HNRNPC: variants seen among roughly 807,000 people sequenced by gnomAD.
The protein encoded by HNRNPC is heterogeneous nuclear ribonucleoproteins C1/C2.
A neutral mutation model predicts 33.2 loss-of-function variants in HNRNPC; 3 were observed. The ratio of observed to expected loss-of-function variants is 0.09; its 90% confidence interval spans 0.04 to 0.23. HNRNPC has a LOEUF of 0.23. Ranked by LOEUF, HNRNPC falls within the 10% of genes least tolerant of loss-of-function variation. The pLI is 1.00. For missense variants in HNRNPC, 143 were observed against 366.7 expected (o/e 0.39, Z 4.98); for synonymous variants, 121 against 126.7 (o/e 0.96, Z 0.30).
intron 8 of HNRNPC, 40 bp from the exon 9 acceptor site, chr14:21,211,346 C>T (rs756270993): frequency 1.2e-6 from 2 of 1,613,480 alleles, no homozygotes; most frequent in South Asian, 1.1e-5. Context: ...GTTAGAGGCA[C>T]TCCATGTGTC....
chr14:21,219,487 C>A (rs138690267), intron 5 of HNRNPC, among the ~76,000 whole-genome samples: 6 of 152,332 alleles, frequency 3.9e-5, no homozygotes, highest in African/African-American at 1.4e-4. Context: ...ACCAATGACA[C>A]CGCTAATTCA....
At chr14:21,234,339 G>A in intron 2 of HNRNPC, 110 bp from the exon 3 acceptor site, 1 of 908,054 alleles carries the variant, frequency 1.1e-6, no homozygotes. Context: ...AGAGTATTAG[G>A]CAACTTAAAG....
intron 5 of HNRNPC, among the ~76,000 whole-genome samples, chr14:21,223,822 T>A (rs887496601): frequency 1.1e-4 from 16 of 152,154 alleles, no homozygotes; most frequent in African/African-American, 3.9e-4. Context: ...TGTCACCATC[T>A]AAAATCCTTC....
At chr14:21,238,195 A>G (rs1037478988) in intron 2 of HNRNPC, among the ~76,000 whole-genome samples, 1 of 152,230 alleles carries the variant, frequency 6.6e-6, no homozygotes, top group African/African-American at 2.4e-5. Flanking sequence ...GTCATATTCT[A>G]TATGAATTTT....
chr14:21,236,684 A>G (rs1894727748), intron 2 of HNRNPC, among the ~76,000 whole-genome samples: 1 of 152,206 alleles, frequency 6.6e-6, no homozygotes, highest in Admixed American at 6.5e-5. Context: ...GTCACACTTC[A>G]TTCTACTTCA....
intron 6 of HNRNPC, 132 bp from the exon 7 acceptor site, chr14:21,212,055 T>G: frequency 1.4e-6 from 1 of 694,998 alleles, no homozygotes; most frequent in Admixed American, 2.6e-5. Context: ...TACAGATTTC[T>G]CGGTAATAAA....
At chr14:21,268,142 A>G (rs886957053) in intron 1 of HNRNPC, among the ~76,000 whole-genome samples, 22 of 152,240 alleles carry the variant, frequency 1.4e-4, no homozygotes, top group African/African-American at 4.8e-4. Flanking sequence ...GATGTCCCAG[A>G]TAAGTCAATG....
intron 6 of HNRNPC, 173 bp from the exon 7 acceptor site, chr14:21,212,096 G>A (rs1446621141): frequency 1.7e-6 from 1 of 584,926 alleles, no homozygotes; most frequent in Non-Finnish European, 3.0e-6. Flanking sequence ...AGCACGTTCT[G>A]TAATGGTTTT....
chr14:21,258,471 CA>C (rs1295141114), intron 2 of HNRNPC, among the ~76,000 whole-genome samples: 2 of 152,088 alleles, frequency 1.3e-5, no homozygotes, highest in African/African-American at 4.8e-5. Context: ...CCCTTAATCC[CA>C]GGGTTGAATC....
At chr14:21,224,437 A>T (rs542492103) in intron 5 of HNRNPC, among the ~76,000 whole-genome samples, 55 of 152,292 alleles carry the variant, frequency 3.6e-4, no homozygotes, top group African/African-American at 1.3e-3. Flanking sequence ...AACTCTGTGA[A>T]ACCCCCCTTC....
intron 2 of HNRNPC, among the ~76,000 whole-genome samples, chr14:21,241,700 TCTTC>T (rs1298341133): frequency 6.6e-6 from 1 of 152,214 alleles, no homozygotes. Flanking sequence ...CCCTCTGGCC[TCTTC>T]AGAGGCCAAC....
chr14:21,222,438 G>A (rs934606219), intron 5 of HNRNPC, among the ~76,000 whole-genome samples: 7 of 151,416 alleles, frequency 4.6e-5, no homozygotes, highest in South Asian at 2.1e-4. Context: ...AAATGGAATC[G>A]TACAATGTGT....
intron 5 of HNRNPC, among the ~76,000 whole-genome samples, chr14:21,213,609 G>A (rs1015816046): frequency 2.0e-5 from 3 of 152,078 alleles, no homozygotes; most frequent in Non-Finnish European, 2.9e-5. Flanking sequence ...AGAAGCACAC[G>A]AATTATTACA....
At chr14:21,223,635 G>A (rs898300956) in intron 5 of HNRNPC, among the ~76,000 whole-genome samples, 2 of 152,004 alleles carry the variant, frequency 1.3e-5, no homozygotes, top group East Asian at 1.9e-4. Flanking sequence ...TGTAGTCCCA[G>A]CTACTCAGGA....
chr14:21,224,892 C>T (rs562758425), intron 5 of HNRNPC, among the ~76,000 whole-genome samples: 4 of 152,094 alleles, frequency 2.6e-5, no homozygotes, highest in Non-Finnish European at 5.9e-5. Flanking sequence ...GTAATAACAG[C>T]ACTCTGAAAA....
chr14:21,244,031 G>T (rs974630866), intron 2 of HNRNPC, among the ~76,000 whole-genome samples: 1 of 146,344 alleles, frequency 6.8e-6, no homozygotes. Flanking sequence ...TTTCCTCCAA[G>T]TTTTTTTTTT....
intron 2 of HNRNPC, among the ~76,000 whole-genome samples, chr14:21,260,646 A>G (rs1041716144): frequency 7.9e-5 from 12 of 151,720 alleles, no homozygotes; most frequent in Admixed American, 5.3e-4. Context: ...TGGCATCTCT[A>G]CTGAACCCTG....
intron 5 of HNRNPC, among the ~76,000 whole-genome samples, chr14:21,219,150 T>G (rs2139517228): frequency 6.8e-6 from 1 of 147,068 alleles, no homozygotes; most frequent in South Asian, 2.2e-4. Context: ...GGAAAAAAAA[T>G]TACATATTTT....
chr14:21,230,503 C>A (rs1259217396), intron 4 of HNRNPC, 137 bp from the exon 5 acceptor site: 2 of 647,510 alleles, frequency 3.1e-6, no homozygotes, highest in Non-Finnish European at 2.8e-6. Context: ...CCCAATCATT[C>A]ATACAATAAA....
Sources: gnomAD v4.1 joint callset for allele counts (sites outside exome capture counted in the v4.1 genomes callset) on GRCh38, gnomAD v4.1.1 for gene constraint, MANE v1.5 for transcripts, NCBI Gene and HGNC (gene_info 2026-07-23, HGNC 2026-07-21) for gene names.